Variants in GPHN observed in about 807,000 individuals in gnomAD.
GPHN encodes the protein gephyrin.
In GPHN, 17 loss-of-function variants were observed where a neutral mutation model predicts 95.5. The observed-to-expected ratio is 0.18, with a 90% confidence interval of 0.12 to 0.27. The LOEUF (loss-of-function observed/expected upper bound fraction) is 0.27, where lower values mean the gene tolerates loss of function less well. GPHN is among the 10% of genes least tolerant of loss of function. GPHN has a pLI of 1.00. For synonymous variants in GPHN, 320 were observed against 322.5 expected, an observed-to-expected ratio of 0.99 and a Z score of 0.08; for missense variants, 660 against 978.1, an observed-to-expected ratio of 0.67 and a Z score of 4.34.
the GPHN span, chr14:67,570,706 A>G: frequency 6.6e-6 from 1 of 152,208 alleles, no homozygotes; most frequent in African/African-American, 2.4e-5. Context: ...ACCACGTGTC[A>G]GGTCATCCTT....
intron 1 of GPHN, among the ~76,000 whole-genome samples, chr14:66,678,613 T>C (rs539789218): frequency 2.0e-5 from 3 of 148,850 alleles, no homozygotes; most frequent in South Asian, 2.1e-4. Flanking sequence ...TGGAGAATTA[T>C]TGTGTTTCTA....
chr14:66,827,139 G>T (rs1258672882), intron 4 of GPHN, among the ~76,000 whole-genome samples: 2 of 152,110 alleles, frequency 1.3e-5, no homozygotes, highest in Admixed American at 6.6e-5. Flanking sequence ...CAAAGAATTA[G>T]CTGGGCATGG....
At chr14:66,808,610 A>G (rs2060643151) in intron 3 of GPHN, among the ~76,000 whole-genome samples, 1 of 152,238 alleles carries the variant, frequency 6.6e-6, no homozygotes, top group Non-Finnish European at 1.5e-5. Context: ...CAGCCTGACC[A>G]ACATGGTGAA....
chr14:66,727,262 C>A (rs2071333830), intron 2 of GPHN, among the ~76,000 whole-genome samples: 1 of 152,174 alleles, frequency 6.6e-6, no homozygotes, highest in Non-Finnish European at 1.5e-5. Flanking sequence ...CATTAAATCT[C>A]TTTCTTTTGT....
At chr14:67,261,157 A>G in the GPHN span, among the ~76,000 whole-genome samples, 1 of 152,200 alleles carries the variant, frequency 6.6e-6, no homozygotes, top group Non-Finnish European at 1.5e-5. Flanking sequence ...TCAGGAAACA[A>G]TAGCTTAAAG....
chr14:66,606,948 A>C (rs964110923), intron 1 of GPHN, among the ~76,000 whole-genome samples: 1 of 152,062 alleles, frequency 6.6e-6, no homozygotes, highest in African/African-American at 2.4e-5. Flanking sequence ...CTTTTGTCTG[A>C]TTATTCTGAC....
At chr14:67,335,644 A>G in the GPHN span, 10 of 152,666 alleles carry the variant, frequency 6.6e-5, no homozygotes, top group African/African-American at 2.4e-4. Context: ...TAATTTTGTG[A>G]ATGTGTGGAA....
intron 1 of GPHN, among the ~76,000 whole-genome samples, chr14:66,642,613 T>G (rs1004699131): frequency 6.6e-6 from 1 of 151,084 alleles, no homozygotes; most frequent in Non-Finnish European, 1.5e-5. Context: ...TAACCTGGAT[T>G]TCTGACTTGT....
intron 4 of GPHN, among the ~76,000 whole-genome samples, chr14:66,858,779 G>A (rs1032061324): frequency 5.9e-5 from 9 of 152,102 alleles, no homozygotes; most frequent in Non-Finnish European, 1.3e-4. Context: ...CCACTGCCCT[G>A]AAGAGTGAGT....
chr14:67,431,231 A>G, the GPHN span, among the ~76,000 whole-genome samples: 20 of 151,878 alleles, frequency 1.3e-4, no homozygotes, highest in African/African-American at 4.6e-4. Context: ...CATCTCTACT[A>G]AAAATACAAA....
In GPHN at chr14:67,049,172, A is replaced by G. The variant is rs544819036; in HGVS notation, c.1007-9477A>G. On this transcript the variant is annotated intron_variant, in intron 10 of 22. Coordinates refer to ENST00000478722, the MANE Select transcript of GPHN (RefSeq NM_020806.5). ...TCTACAGTCACAATCAACAAGAGAAACAATCAACATTTTTTGGTCCTTTTT... is the reference window on the plus strand; with the variant it reads ...TCTACAGTCACAATCAACAAGAGAAGCAATCAACATTTTTTGGTCCTTTTT... Among the ~76,000 whole-genome samples the G allele has an allele frequency of 5.5e-4, 83 of 152,184 alleles. 3 individuals are homozygous for G. The highest frequency in any genetic ancestry group is 2.0e-3 in the African/African-American group (81 of 41,536).
chr14:67,131,947 G>C (rs1420568727), intron 17 of GPHN, among the ~76,000 whole-genome samples: 1 of 152,126 alleles, frequency 6.6e-6, no homozygotes, highest in African/African-American at 2.4e-5. Context: ...AGGCCTGAAG[G>C]AAGGGCTGGG....
At chr14:66,919,928 G>T (rs762890664) in intron 6 of GPHN, among the ~76,000 whole-genome samples, 3 of 152,136 alleles carry the variant, frequency 2.0e-5, no homozygotes, top group Non-Finnish European at 2.9e-5. Context: ...CTAGCCAGGC[G>T]TGGTGGCAGG....
chr14:66,652,638 G>C (rs555408948), intron 1 of GPHN, among the ~76,000 whole-genome samples: 1 of 152,082 alleles, frequency 6.6e-6, no homozygotes, highest in South Asian at 2.1e-4. Context: ...TATTGGCTGA[G>C]AGCTATTGAA....
intron 19 of GPHN, among the ~76,000 whole-genome samples, chr14:67,164,465 A>G (rs1198258595): frequency 6.6e-6 from 1 of 152,118 alleles, no homozygotes; most frequent in Non-Finnish European, 1.5e-5. Context: ...AACAATAGGC[A>G]ACTGTCTGAT....
At chr14:67,257,128 T>A in the GPHN span, among the ~76,000 whole-genome samples, 2 of 152,088 alleles carry the variant, frequency 1.3e-5, no homozygotes, top group Admixed American at 1.3e-4. Context: ...TTAGCGGGGA[T>A]CATAAGTAGG....
the GPHN span, among the ~76,000 whole-genome samples, chr14:67,489,111 G>A: frequency 6.6e-6 from 1 of 152,318 alleles, no homozygotes. Flanking sequence ...AGCCCTTATA[G>A]CAACTAACAT....
the GPHN span, chr14:67,587,734 G>C: frequency 6.1e-6 from 1 of 164,894 alleles, no homozygotes; most frequent in South Asian, 1.6e-4. Flanking sequence ...TTTTAGTAGA[G>C]ACGGGGTTTC....
chr14:66,976,915 TG>T (rs34249632), intron 9 of GPHN, among the ~76,000 whole-genome samples: 23,036 of 81,696 alleles, frequency 0.28, 4,424 homozygotes, highest in African/African-American at 0.54. Flanking sequence ...CAGAAATATG[TG>T]GGGGGGGGGG....
Sources: allele counts gnomAD v4.1 joint callset (sites outside exome capture counted in the v4.1 genomes callset), GRCh38; gene constraint gnomAD v4.1.1; transcripts MANE v1.5; gene names NCBI Gene and HGNC (gene_info 2026-07-23, HGNC 2026-07-21).